The following MAP3K5 variants were observed in gnomAD, a reference collection of about 807,000 sequenced individuals.
The protein encoded by MAP3K5 is ASK-1.
A neutral mutation model predicts 158.7 loss-of-function variants in MAP3K5; 56 were observed. The observed-to-expected ratio is 0.35, with a 90% CI of 0.28 to 0.44. MAP3K5 has a LOEUF of 0.44. MAP3K5 is among the 20% of genes least tolerant of loss of function. The pLI, the probability that MAP3K5 is intolerant of heterozygous loss-of-function variation, is 1.00. For missense variants in MAP3K5, 1,294 were observed against 1,674.8 expected (o/e 0.77, Z 3.97); for synonymous variants, 579 against 601.7 (o/e 0.96, Z 0.55).
chr6:136,595,073 T>C (rs1327042829), intron 21 of MAP3K5, among the ~76,000 whole-genome samples: 1 of 152,206 alleles, frequency 6.6e-6, no homozygotes, highest in African/African-American at 2.4e-5. Flanking sequence ...GACTTACAGA[T>C]ATTCTGCATG....
At chr6:136,736,235 G>A (rs9483945) in intron 1 of MAP3K5, among the ~76,000 whole-genome samples, 68,919 of 151,930 alleles carry the variant, frequency 0.45, 15,799 homozygotes, top group Middle Eastern at 0.51. Flanking sequence ...ATGTGTCAAC[G>A]AATGGAAACC....
chr6:136,749,649 C>T (rs1050235847), intron 1 of MAP3K5, among the ~76,000 whole-genome samples: 22 of 151,996 alleles, frequency 1.4e-4, no homozygotes, highest in African/African-American at 5.1e-4. Flanking sequence ...ATCTAGTTTG[C>T]AATTACCACG....
intron 3 of MAP3K5, 74 bp from the exon 4 acceptor site, chr6:136,698,756 C>T: frequency 2.0e-6 from 2 of 1,000,596 alleles, no homozygotes; most frequent in Non-Finnish European, 3.0e-6. Flanking sequence ...CCACGTCTTA[C>T]TCATTTTAAA....
intron 1 of MAP3K5, among the ~76,000 whole-genome samples, chr6:136,770,656 T>C (rs758399463): frequency 2.0e-5 from 3 of 152,250 alleles, no homozygotes; most frequent in East Asian, 3.9e-4. Context: ...CTTTGGAAGG[T>C]TGAGGCAGAA....
In MAP3K5 at chr6:136,605,134, T is replaced by C; in HGVS notation, c.2679+75A>G. On this transcript the variant is annotated intron_variant, in intron 19 of 29. Coordinates refer to ENST00000359015, the MANE Select transcript of MAP3K5 (RefSeq NM_005923.4). ...TTAGCACCCTTTATCTAAAAAAATATGACACACACACACAGAACATCCAAC... is the reference window on the plus strand; with the variant it reads ...TTAGCACCCTTTATCTAAAAAAATACGACACACACACACAGAACATCCAAC... 6 of 1,435,770 alleles carry C rather than the reference T, an allele frequency of 4.2e-6. No homozygotes were observed. The South Asian group carries it at 6.5e-5, about 16-fold the overall frequency. The allele number at this position is 1,435,770 out of a possible 1,614,324, so 88.9% of individuals were successfully genotyped here. A position where few individuals can be genotyped will look rare whatever the true frequency, so the allele number is the denominator to read the frequency against.
intron 14 of MAP3K5, among the ~76,000 whole-genome samples, chr6:136,634,971 G>C (rs1562565527): frequency 6.7e-6 from 1 of 149,098 alleles, no homozygotes; most frequent in Non-Finnish European, 1.5e-5. Flanking sequence ...TGAAACCTCT[G>C]CCTCCCGAGT....
chr6:136,707,761 C>T (rs1197691015), intron 2 of MAP3K5, among the ~76,000 whole-genome samples: 2 of 152,148 alleles, frequency 1.3e-5, no homozygotes, highest in African/African-American at 2.4e-5. Flanking sequence ...AGTATCAGCA[C>T]GTATTGGGGC....
chr6:136,574,683 C>CTTTTTTT (rs1223054758), intron 25 of MAP3K5, among the ~76,000 whole-genome samples: 10 of 108,550 alleles, frequency 9.2e-5, no homozygotes, highest in East Asian at 6.0e-4. Context: ...AGATTAAACA[C>CTTTTTTT]TTTTTTTTTT....
At chr6:136,760,751 T>C (rs1447620789) in intron 1 of MAP3K5, among the ~76,000 whole-genome samples, 3 of 152,036 alleles carry the variant, frequency 2.0e-5, no homozygotes, top group Non-Finnish European at 4.4e-5. Context: ...GGGTGGACCA[T>C]CTGAGGTCAG....
chr6:136,583,868 GC>G (rs1191498745), intron 23 of MAP3K5, 128 bp from the exon 24 acceptor site: 3 of 779,254 alleles, frequency 3.8e-6, no homozygotes, highest in Non-Finnish European at 6.0e-6. Context: ...TCACTATATT[GC>G]CCAGGCTGGT....
At chr6:136,568,689 A>G (rs1774227124) in intron 25 of MAP3K5, among the ~76,000 whole-genome samples, 1 of 152,066 alleles carries the variant, frequency 6.6e-6, no homozygotes, top group African/African-American at 2.4e-5. Flanking sequence ...CCTGGCCAAC[A>G]TAGTGAAACC....
chr6:136,685,610 C>T (rs528100502), intron 7 of MAP3K5, among the ~76,000 whole-genome samples: 2 of 152,230 alleles, frequency 1.3e-5, no homozygotes, highest in Admixed American at 1.3e-4. Context: ...TGAGTTGGAA[C>T]TCTTATCCTT....
chr6:136,790,968 CTTATTA>C (rs1198624604), intron 1 of MAP3K5, among the ~76,000 whole-genome samples: 9 of 152,174 alleles, frequency 5.9e-5, no homozygotes, highest in Non-Finnish European at 4.4e-5. Context: ...CGAAACTAAT[CTTATTA>C]TTAGGATAGC....
At chr6:136,568,343 G>A (rs921185776) in intron 25 of MAP3K5, among the ~76,000 whole-genome samples, 1 of 152,186 alleles carries the variant, frequency 6.6e-6, no homozygotes, top group African/African-American at 2.4e-5. Flanking sequence ...TATGCAGAAT[G>A]CTTTCTGCCT....
intron 1 of MAP3K5, among the ~76,000 whole-genome samples, chr6:136,727,030 C>T (rs1388161797): frequency 6.6e-6 from 1 of 152,120 alleles, no homozygotes; most frequent in Non-Finnish European, 1.5e-5. Context: ...ACTGTTTAAA[C>T]AGTAATATTT....
chr6:136,685,771 A>G (rs1780120611), intron 7 of MAP3K5, among the ~76,000 whole-genome samples: 1 of 152,182 alleles, frequency 6.6e-6, no homozygotes, highest in Admixed American at 6.5e-5. Context: ...CCAGAGGATT[A>G]TGACTCAAAA....
At chr6:136,754,261 A>C (rs1783358196) in intron 1 of MAP3K5, among the ~76,000 whole-genome samples, 2 of 147,270 alleles carry the variant, frequency 1.4e-5, no homozygotes, top group Non-Finnish European at 3.0e-5. Context: ...AGACAGAGCA[A>C]GACTCGATAA....
At chr6:136,689,160 T>G (rs1483385121) in intron 7 of MAP3K5, among the ~76,000 whole-genome samples, 2 of 151,982 alleles carry the variant, frequency 1.3e-5, no homozygotes, top group Non-Finnish European at 2.9e-5. Context: ...ATTAGCCAAG[T>G]GTTATAGCGT....
At chr6:136,673,221 C>T (rs1779559873) in intron 7 of MAP3K5, among the ~76,000 whole-genome samples, 1 of 152,102 alleles carries the variant, frequency 6.6e-6, no homozygotes, top group African/African-American at 2.4e-5. Context: ...AACCCAGACC[C>T]AACCCGACTC....
Sources: allele counts gnomAD v4.1 joint callset (sites outside exome capture counted in the v4.1 genomes callset), GRCh38; gene constraint gnomAD v4.1.1; transcripts MANE v1.5; gene names NCBI Gene and HGNC (gene_info 2026-07-23, HGNC 2026-07-21).